CRLF1: variants seen among roughly 807,000 people sequenced by gnomAD.
CRLF1 encodes cytokine receptor like factor 1.
A neutral mutation model predicts 48.9 loss-of-function variants in CRLF1; 36 were observed. That is an observed-to-expected ratio of 0.74 (90% CI 0.56 to 0.97). The LOEUF (loss-of-function observed/expected upper bound fraction) is 0.97, where lower values mean the gene tolerates loss of function less well. Ranked by LOEUF, CRLF1 falls within the 50% of genes least tolerant of loss-of-function variation. CRLF1 has a pLI of 0.00. For missense variants in CRLF1, 534 were observed against 575.1 expected (o/e 0.93, Z 0.73); for synonymous variants, 256 against 253.4 (o/e 1.01, Z -0.10).
intron 1 of CRLF1, 104 bp from the exon 2 acceptor site, chr19:18,599,950 T>C: frequency 2.5e-6 from 3 of 1,208,884 alleles, no homozygotes; most frequent in Non-Finnish European, 3.4e-6. Context: ...AAGACGCTGT[T>C]AATGATTGTC....
chr19:18,594,032 T>TGGGGGA, intron 8 of CRLF1, 33 bp downstream of exon 8: 3 of 695,808 alleles, frequency 4.3e-6, no homozygotes, highest in Non-Finnish European at 6.6e-6. Flanking sequence ...CTCCCCTTGC[T>TGGGGGA]CCCTCCCGCC....
chr19:18,596,673 C>T lies in CRLF1; in HGVS notation c.973G>A (p.Gly325Arg), dbSNP rs879869560. The change falls in exon 6 of 9, where the codon GGG (glycine) becomes AGG (arginine). Residue 325 changes from glycine (G) to arginine (R), a missense_variant. Gly to Arg is a moderately radical substitution (Grantham distance 125). Coordinates refer to ENST00000392386, the MANE Select transcript of CRLF1 (RefSeq NM_004750.5). ...GGGTGGCTCCACTCACTCCAGATCC[C>T]GGCTTTCTTGGAGCCATAGATGCCA... ...PFGIYGSKKA[G>R]IWSEWSHPTA... The T allele has an allele frequency of 4.3e-6, 7 of 1,614,014 alleles. No individual in the cohort carries two copies. Among genetic ancestry groups the T allele is most frequent in the Middle Eastern group, 1.6e-4 (1 of 6,062 alleles).
At chr19:18,597,941 AGCTGGCCT>A (rs568368850) in intron 4 of CRLF1, among the ~76,000 whole-genome samples, 279 of 152,140 alleles carry the variant, frequency 1.8e-3, no homozygotes, top group African/African-American at 5.3e-3. Flanking sequence ...CAGCAGGGTG[AGCTGGCCT>A]CTCCCCCTGA....
intron 8 of CRLF1, 33 bp downstream of exon 8, chr19:18,594,032 T>TTGGGGCCC: frequency 7.9e-5 from 55 of 695,702 alleles, no homozygotes; most frequent in Non-Finnish European, 1.1e-4. Flanking sequence ...CTCCCCTTGC[T>TTGGGGCCC]CCCTCCCGCC....
At chr19:18,594,030 G>GCGGGGGGGGGCCCCCCCCCC in intron 8 of CRLF1, 35 bp downstream of exon 8, 2 of 1,315,312 alleles carry the variant, frequency 1.5e-6, no homozygotes, top group Non-Finnish European at 1.1e-6. Flanking sequence ...CCCTCCCCTT[G>GCGGGGGGGGGCCCCCCCCCC]CTCCCTCCCG....
chr19:18,594,416 C>T lies in CRLF1; in HGVS notation c.1043G>A (p.Gly348Asp), dbSNP rs1182212896. ...TCCGCCCCGCGGTTCGCACGCCCCG[C>T]CGCCCGGGCCCGGGCGCTCTGGTGG... ...TPRSERPGPG[G>D]GACEPRGGEP... is the part of the protein sequence containing the mutation. Residue 348 changes from glycine (G) to aspartate (D), a missense_variant, in exon 7 of 9, where the codon GGC (glycine) becomes GAC (aspartate). Physicochemically the swap from Gly to Asp is moderately conservative, Grantham distance 94. Transcript: ENST00000392386. 17 of 1,515,948 alleles carry T rather than the reference C, an allele frequency of 1.1e-5. No individual in the cohort carries two copies. The highest frequency in any genetic ancestry group is 4.3e-5 in the Admixed American group (2 of 46,848). 93.9% of individuals were successfully genotyped at this position (1,515,948 alleles called of 1,614,324 possible).
intron 8 of CRLF1, 33 bp downstream of exon 8, chr19:18,594,032 T>TTGGGGGCG: frequency 1.4e-6 from 1 of 695,812 alleles, no homozygotes; most frequent in Admixed American, 3.0e-5. Flanking sequence ...CTCCCCTTGC[T>TTGGGGGCG]CCCTCCCGCC....
chr19:18,602,153 C>G (rs949079170), intron 1 of CRLF1, among the ~76,000 whole-genome samples: 2 of 152,230 alleles, frequency 1.3e-5, no homozygotes, highest in Non-Finnish European at 2.9e-5. Context: ...GCCTCTCTCT[C>G]CTGCTGGCCA....
rs1476296630 is a variant in CRLF1 at position 18,606,040 on chromosome 19, C to G, written c.115+502G>C. Among the ~76,000 whole-genome samples the G allele has an allele frequency of 6.6e-6, 1 of 151,782 alleles. No individual in the cohort carries two copies. Among genetic ancestry groups the G allele is most frequent in the Non-Finnish European group, 1.5e-5 (1 of 67,856 alleles). ...CGCCGGCCCGTGGAGACACAAGTCC[C>G]CCGGGACCCCGGGCTGCGCGCCAGG... On this transcript the variant is annotated intron_variant, in intron 1 of 8. Transcript: ENST00000392386. This position sits in a 1 kb window ranked among gnomAD's most constrained non-coding sequence, Gnocchi z 4.8.
At chr19:18,598,666 C>T (rs992727946) in intron 3 of CRLF1, 65 bp from the exon 4 acceptor site, 11 of 1,613,566 alleles carry the variant, frequency 6.8e-6, no homozygotes, top group African/African-American at 1.3e-5. Flanking sequence ...CTCACCATGG[C>T]AGCCTCAGGG....
intron 8 of CRLF1, 85 bp downstream of exon 8, chr19:18,593,980 G>GC: frequency 6.6e-7 from 1 of 1,519,658 alleles, no homozygotes; most frequent in East Asian, 2.5e-5. Context: ...GGGTTGGGAG[G>GC]CGTGGGGGTG....
intron 1 of CRLF1, among the ~76,000 whole-genome samples, chr19:18,601,333 A>G (rs1244948947): frequency 1.3e-5 from 2 of 151,570 alleles, no homozygotes; most frequent in Non-Finnish European, 2.9e-5. Flanking sequence ...CTGGAGTGCA[A>G]TGGCACGATC....
chr19:18,605,354 GGAGCCCTACA>G (rs761496554), intron 1 of CRLF1, among the ~76,000 whole-genome samples: 23 of 152,206 alleles, frequency 1.5e-4, no homozygotes, highest in Non-Finnish European at 2.6e-4. Context: ...CCTTCCCGGA[GGAGCCCTACA>G]GGCAGCCCGC....
intron 6 of CRLF1, 35 bp from the exon 7 acceptor site, chr19:18,594,469 C>A (rs1976103420): frequency 7.6e-7 from 1 of 1,317,846 alleles, no homozygotes; most frequent in Non-Finnish European, 9.7e-7. Flanking sequence ...TCAGAGCGCG[C>A]CCGGCAGGGG....
chr19:18,601,299 G>A (rs11086118), intron 1 of CRLF1, among the ~76,000 whole-genome samples: 38,881 of 149,388 alleles, frequency 0.26, 6,172 homozygotes, highest in Non-Finnish European at 0.36. Context: ...TTTTTGAGAC[G>A]GAGTTTTGCT....
At chr19:18,597,279 C>T (rs1976152341) in intron 4 of CRLF1, among the ~76,000 whole-genome samples, 1 of 152,110 alleles carries the variant, frequency 6.6e-6, no homozygotes, top group Non-Finnish European at 1.5e-5. Flanking sequence ...ACGGGAGAAA[C>T]ATAATCCTAT....
intron 8 of CRLF1, chr19:18,593,812 GTTCA>G (rs1298494316): frequency 2.1e-5 from 21 of 985,356 alleles, no homozygotes; most frequent in Non-Finnish European, 2.5e-5. Flanking sequence ...GGGTGAGTAT[GTTCA>G]TTCATTTCGG....
intron 2 of CRLF1, chr19:18,599,214 T>G: frequency 1.5e-6 from 1 of 655,804 alleles, no homozygotes; most frequent in Non-Finnish European, 1.9e-6. Context: ...CAAGCAATTC[T>G]CCTGTCTCAG....
intron 4 of CRLF1, among the ~76,000 whole-genome samples, chr19:18,597,967 G>T (rs1420808361): frequency 6.6e-6 from 1 of 152,150 alleles, no homozygotes; most frequent in Non-Finnish European, 1.5e-5. Flanking sequence ...TGAGGCCTTG[G>T]TGAGGGGCCT....
Sources: allele counts gnomAD v4.1 joint callset (sites outside exome capture counted in the v4.1 genomes callset), GRCh38; gene constraint gnomAD v4.1.1; non-coding constraint Gnocchi (gnomAD v3.1); transcripts MANE v1.5; gene names NCBI Gene and HGNC (gene_info 2026-07-23, HGNC 2026-07-21).